The following TAFA1 variants were observed in gnomAD, a reference collection of about 807,000 sequenced individuals.
TAFA1 encodes chemokine-like protein TAFA-1.
In TAFA1, 4 loss-of-function variants were observed where a neutral mutation model predicts 18.5. The ratio of observed to expected loss-of-function variants is 0.22; its 90% CI spans 0.11 to 0.49. The LOEUF (loss-of-function observed/expected upper bound fraction) is 0.49. Among genes scored for constraint, TAFA1 ranks in the 20% least tolerant of loss-of-function variants. The probability of loss-of-function intolerance (pLI) is 0.98; values close to 1 mark genes in which losing one functional copy is unlikely to be tolerated. For missense variants in TAFA1, 147 were observed against 169.0 expected (o/e 0.87, Z 0.72); for synonymous variants, 56 against 55.2 (o/e 1.01, Z -0.06).
chr3:68,524,808 C>G (rs1241891858), intron 3 of TAFA1, among the ~76,000 whole-genome samples: 1 of 151,908 alleles, frequency 6.6e-6, no homozygotes, highest in Admixed American at 6.6e-5. Flanking sequence ...GTAGCTGGGA[C>G]TACAGGCGCC....
At position 68,120,177 on chromosome 3, in the gene TAFA1, CTTTCTTTCTT is replaced by C. The variant is rs2065375045; in HGVS notation, c.118+113435_118+113444del. On this transcript the variant is annotated intron_variant, in intron 2 of 4. Coordinates refer to ENST00000478136, the MANE Select transcript of TAFA1 (RefSeq NM_213609.4). The stretch of plus-strand genomic sequence containing the variant: ...TCTTTCTTTCTCTTTCTTTCTCTTT[CTTTCTTTCTT>C]TCTTTCTTTCTTTCTTTCTTTCTTT... Among the ~76,000 whole-genome samples the C allele has an allele frequency of 3.8e-4, 6 of 15,740 alleles. No homozygotes were observed. In the Admixed American group the frequency reaches 4.4e-3, roughly 12 times the overall value. 10.3% of individuals were successfully genotyped at this position (15,740 alleles called of 152,430 possible).
intron 2 of TAFA1, among the ~76,000 whole-genome samples, chr3:68,135,082 A>T (rs1243898241): frequency 6.6e-6 from 1 of 152,182 alleles, no homozygotes; most frequent in African/African-American, 2.4e-5. Context: ...GTGGTGTTCC[A>T]GATTGGAAGA....
chr3:68,457,675 G>C (rs1049788024), intron 3 of TAFA1, among the ~76,000 whole-genome samples: 3 of 151,998 alleles, frequency 2.0e-5, no homozygotes, highest in African/African-American at 7.2e-5. Context: ...TACTCTCTTA[G>C]CAATTTTCAA....
chr3:68,046,309 G>T (rs1030910877), intron 2 of TAFA1, among the ~76,000 whole-genome samples: 1 of 152,094 alleles, frequency 6.6e-6, no homozygotes, highest in African/African-American at 2.4e-5. Flanking sequence ...GATTGTAGGA[G>T]TATAAAATAA....
chr3:68,290,806 GT>G (rs1169452823), intron 2 of TAFA1, among the ~76,000 whole-genome samples: 1 of 151,912 alleles, frequency 6.6e-6, no homozygotes, highest in Non-Finnish European at 1.5e-5. Context: ...TGATCTGAAT[GT>G]GGGAAATAAT....
intron 2 of TAFA1, among the ~76,000 whole-genome samples, chr3:68,152,905 T>C (rs903774856): frequency 6.6e-6 from 1 of 152,044 alleles, no homozygotes; most frequent in African/African-American, 2.4e-5. Context: ...CTGGGCAAAC[T>C]TGAATCTTTT....
intron 2 of TAFA1, among the ~76,000 whole-genome samples, chr3:68,333,264 A>T (rs1306388235): frequency 2.6e-5 from 4 of 152,246 alleles, no homozygotes; most frequent in African/African-American, 7.2e-5. Flanking sequence ...GACCATCAGT[A>T]AACTTGATAA....
chr3:68,322,511 C>A (rs1383408046), intron 2 of TAFA1, among the ~76,000 whole-genome samples: 1 of 152,090 alleles, frequency 6.6e-6, no homozygotes, highest in Non-Finnish European at 1.5e-5. Context: ...CATGTCTTGC[C>A]CAACCAAGTT....
chr3:68,398,537 T>C (rs907293464), intron 2 of TAFA1, among the ~76,000 whole-genome samples: 1 of 152,218 alleles, frequency 6.6e-6, no homozygotes, highest in African/African-American at 2.4e-5. Context: ...TCCTGCATTA[T>C]TGACTGCAGT....
intron 2 of TAFA1, among the ~76,000 whole-genome samples, chr3:68,035,636 A>G (rs1470577261): frequency 6.6e-6 from 1 of 152,220 alleles, no homozygotes; most frequent in East Asian, 1.9e-4. Flanking sequence ...TTCTTATCAA[A>G]TTAAACATAC....
At chr3:68,452,167 T>A (rs796186798) in intron 3 of TAFA1, among the ~76,000 whole-genome samples, 32 of 152,288 alleles carry the variant, frequency 2.1e-4, no homozygotes, top group African/African-American at 7.5e-4. Context: ...CATGCGGTTG[T>A]GGTCTAAAAG....
intron 2 of TAFA1, among the ~76,000 whole-genome samples, chr3:68,414,595 G>A (rs1005206879): frequency 1.3e-5 from 2 of 152,152 alleles, no homozygotes; most frequent in African/African-American, 4.8e-5. Flanking sequence ...TTGCTGGAAT[G>A]TGTATAATTA....
intron 2 of TAFA1, among the ~76,000 whole-genome samples, chr3:68,204,605 G>A (rs558265647): frequency 1.1e-4 from 16 of 151,914 alleles, no homozygotes; most frequent in African/African-American, 3.9e-4. Context: ...GGCAGCCCAT[G>A]GGACTCATAT....
chr3:68,363,904 T>C (rs262228), intron 2 of TAFA1, among the ~76,000 whole-genome samples: 91,072 of 151,942 alleles, frequency 0.6, 28,182 homozygotes, highest in East Asian at 1. Flanking sequence ...ACCCATTACC[T>C]TACTCTGCAG....
intron 2 of TAFA1, among the ~76,000 whole-genome samples, chr3:68,077,824 A>T (rs1209375705): frequency 6.6e-6 from 1 of 152,120 alleles, no homozygotes; most frequent in East Asian, 1.9e-4. Flanking sequence ...ACTTTAAAGT[A>T]GTTTTTTTCC....
chr3:68,503,229 A>C (rs766842627), intron 3 of TAFA1, among the ~76,000 whole-genome samples: 5 of 152,186 alleles, frequency 3.3e-5, no homozygotes, highest in Non-Finnish European at 5.9e-5. Context: ...TATAAGGTGC[A>C]CATAAAACAT....
chr3:68,526,394 C>A (rs1008267793), intron 3 of TAFA1, among the ~76,000 whole-genome samples: 3 of 152,072 alleles, frequency 2.0e-5, no homozygotes, highest in African/African-American at 7.2e-5. Context: ...AAATGAAATA[C>A]CTTACAATCA....
chr3:68,087,238 G>T (rs1233071866), intron 2 of TAFA1, among the ~76,000 whole-genome samples: 2 of 152,122 alleles, frequency 1.3e-5, no homozygotes, highest in African/African-American at 2.4e-5. Context: ...AGTTGAAAAT[G>T]CTGGGAAATA....
chr3:68,287,910 G>GC (rs1189949225), intron 2 of TAFA1, among the ~76,000 whole-genome samples: 1 of 119,462 alleles, frequency 8.4e-6, no homozygotes, highest in Non-Finnish European at 1.6e-5. Context: ...TTTTTGTTGG[G>GC]GGGTGGGGGG....
Sources: allele counts gnomAD v4.1 joint callset (sites outside exome capture counted in the v4.1 genomes callset), GRCh38; gene constraint gnomAD v4.1.1; transcripts MANE v1.5; gene names NCBI Gene and HGNC (gene_info 2026-07-23, HGNC 2026-07-21).